The following PAFAH2 variants were observed in gnomAD, a reference collection of about 807,000 sequenced individuals.
PAFAH2 encodes the protein platelet activating factor acetylhydrolase 2.
PAFAH2 carries 42 observed loss-of-function variants against 49.0 expected under a neutral mutation model. That is an observed-to-expected ratio of 0.86 (90% CI 0.67 to 1.11). The LOEUF (loss-of-function observed/expected upper bound fraction) is 1.11, where lower values mean the gene tolerates loss of function less well. Ranked by LOEUF, PAFAH2 falls within the 50% of genes least tolerant of loss-of-function variation. PAFAH2 has a pLI of 0.00. For missense variants in PAFAH2, 503 were observed against 501.8 expected (o/e 1.00, Z -0.02); for synonymous variants, 184 against 181.3 (o/e 1.01, Z -0.12).
chr1:25,996,741 C>A (rs879364753), intron 1 of PAFAH2, among the ~76,000 whole-genome samples: 14 of 152,130 alleles, frequency 9.2e-5, no homozygotes, highest in Admixed American at 1.3e-4. Flanking sequence ...CCATAGGAGG[C>A]AACTATAATT....
intron 6 of PAFAH2, 49 bp downstream of exon 6, chr1:25,983,897 G>C (rs186353206): frequency 1.3e-6 from 2 of 1,596,898 alleles, no homozygotes; most frequent in East Asian, 4.5e-5. Context: ...AATATAGTAG[G>C]GAGAGAACAG....
rs541231691 is a variant in PAFAH2, at chr1:25,989,539, C to A, written c.153G>T (p.Leu51=). ...QKAEETMEQP[L]WIPRYEYCTG... Reference sequence around the variant, plus strand: ...TGCAGTACTCATAGCGGGGAATCCACAGGGGCTGCTCCATGGTCTCCTCTG... The same window carrying A: ...TGCAGTACTCATAGCGGGGAATCCAAAGGGGCTGCTCCATGGTCTCCTCTG... The change falls in exon 3 of 11, where the codon CTG becomes CTT. Residue 51 remains leucine (L), a synonymous_variant. Transcript: ENST00000374282. 6.2e-7 allele frequency: 1 copy of A among 1,612,888 alleles called. No homozygotes were observed. The highest frequency in any genetic ancestry group is 1.3e-5 in the African/African-American group (1 of 75,038).
At chr1:25,984,217 G>C in intron 5 of PAFAH2, 130 bp from the exon 6 acceptor site, 1 of 1,063,954 alleles carries the variant, frequency 9.4e-7, no homozygotes, top group South Asian at 1.4e-5. Flanking sequence ...GAGATCTGGG[G>C]CATGCATAGG....
At chr1:25,996,852 G>A (rs765421723) in intron 1 of PAFAH2, among the ~76,000 whole-genome samples, 5 of 152,210 alleles carry the variant, frequency 3.3e-5, no homozygotes, top group Non-Finnish European at 7.3e-5. Flanking sequence ...CTTATAAAAT[G>A]TTAGGAACTA....
intron 10 of PAFAH2, among the ~76,000 whole-genome samples, chr1:25,966,851 G>A (rs778174134): frequency 5.9e-5 from 9 of 151,986 alleles, no homozygotes; most frequent in Non-Finnish European, 1.2e-4. Context: ...CTAACATGGC[G>A]AAACTCCATC....
intron 6 of PAFAH2, among the ~76,000 whole-genome samples, chr1:25,983,031 A>G (rs1418802582): frequency 1.3e-5 from 2 of 152,162 alleles, no homozygotes; most frequent in Non-Finnish European, 1.5e-5. Context: ...CTGAGGGAGC[A>G]ACTCAAACAC....
chr1:25,988,334 G>A lies in PAFAH2; in HGVS notation c.245-7C>T. The A allele has an allele frequency of 6.2e-7, 1 of 1,606,282 alleles. No homozygotes were observed. The highest frequency in any genetic ancestry group is 8.5e-7 in the Non-Finnish European group (1 of 1,174,136). Reference sequence around the variant, plus strand: ...ACAGGCAGGCGACAAGATCCTAGCAGAGACATGGGCTATAGAATATCTGGC... The same window carrying A: ...ACAGGCAGGCGACAAGATCCTAGCAAAGACATGGGCTATAGAATATCTGGC... On this transcript the variant is annotated splice_polypyrimidine_tract_variant and splice_region_variant and intron_variant, in intron 3 of 10. Coordinates refer to ENST00000374282, the MANE Select transcript of PAFAH2 (RefSeq NM_000437.4).
rs894877553 is a variant in PAFAH2 at position 25,961,275 on chromosome 1, C to T, written c.*714G>A. The stretch of plus-strand genomic sequence containing the variant: ...GCTTTTGTTGTTTCCTATCAAGATA[C>T]ACTTAGCAAAACCCCCAAAGACATC... On this transcript the variant is annotated 3_prime_UTR_variant, in exon 11 of 11. Transcript: ENST00000374282. The T allele has an allele frequency of 2.0e-5, 3 of 152,180 alleles. No individual in the cohort carries two copies. Among genetic ancestry groups the T allele is most frequent in the Non-Finnish European group, 4.4e-5 (3 of 68,044 alleles). The allele number at this position is 152,180 out of a possible 1,614,324, so 9.4% of individuals were successfully genotyped here. A position where few individuals can be genotyped will look rare whatever the true frequency, so the allele number is the denominator to read the frequency against.
chr1:25,986,675 A>C (rs1427311620), intron 4 of PAFAH2, among the ~76,000 whole-genome samples: 1 of 151,954 alleles, frequency 6.6e-6, no homozygotes, highest in African/African-American at 2.4e-5. Context: ...GATTACAGGC[A>C]TGCACCACCA....
rs202097681 is a variant in PAFAH2, at chr1:25,974,623, C to T, written c.786G>A (p.Met262Ile). Residue 262 changes from methionine to isoleucine, a missense_variant, in exon 9 of 11, where the codon ATG becomes ATA. Transcript: ENST00000374282. ...GGTAAAAGTCACGTTCCAGAGGAAA[C>T]ATCCAAGCATCCAGAGCCACCGCAC... is the stretch of plus-strand genomic sequence containing the variant. ...FRCAVALDAW[M>I]FPLERDFYPK... 1.1e-4 allele frequency: 185 copies of T among 1,613,812 alleles called. No homozygotes were observed. The highest frequency in any genetic ancestry group is 1.4e-4 in the Non-Finnish European group (164 of 1,179,908).
rs778980362 is a variant in PAFAH2, at chr1:25,989,535, T to A, written c.157A>T (p.Ile53Phe). ...AEETMEQPLWIPRYEYCTGLA... is the reference protein window; with the variant it reads ...AEETMEQPLWFPRYEYCTGLA... ...CCAGTGCAGTACTCATAGCGGGGAA[T>A]CCACAGGGGCTGCTCCATGGTCTCC... Residue 53 changes from isoleucine to phenylalanine, a missense_variant, in exon 3 of 11, where the codon ATT becomes TTT. Ile to Phe is a conservative substitution (Grantham distance 21, BLOSUM62 0). Transcript: ENST00000374282. 1.2e-6 allele frequency: 2 copies of A among 1,613,096 alleles called. No individual in the cohort carries two copies. The highest frequency in any genetic ancestry group is 3.3e-5 in the Admixed American group (2 of 59,888).
chr1:25,982,544 G>A (rs1253280905), intron 6 of PAFAH2, 67 bp from the exon 7 acceptor site: 5 of 1,224,222 alleles, frequency 4.1e-6, no homozygotes, highest in African/African-American at 1.5e-5. Flanking sequence ...TCTCCCTCAC[G>A]TACAGAGCCA....
At chr1:25,994,668 C>G (rs2049915764) in intron 1 of PAFAH2, among the ~76,000 whole-genome samples, 1 of 152,064 alleles carries the variant, frequency 6.6e-6, no homozygotes. Context: ...AGTCAAGAGC[C>G]AATAAGTCAG....
intron 3 of PAFAH2, among the ~76,000 whole-genome samples, chr1:25,988,648 C>T (rs184774264): frequency 5.3e-5 from 8 of 151,538 alleles, no homozygotes; most frequent in Admixed American, 5.3e-4. Flanking sequence ...ACTAAAAATA[C>T]AAAAATTAGC....
intron 8 of PAFAH2, among the ~76,000 whole-genome samples, chr1:25,974,918 G>A (rs2049566819): frequency 6.6e-6 from 1 of 151,650 alleles, no homozygotes; most frequent in South Asian, 2.1e-4. Context: ...TGACTGACCT[G>A]AGTTCCACAG....
intron 10 of PAFAH2, among the ~76,000 whole-genome samples, chr1:25,966,720 C>T (rs369611467): frequency 3.3e-5 from 5 of 151,996 alleles, no homozygotes; most frequent in African/African-American, 9.7e-5. Context: ...GACTTTACCA[C>T]GTGCAATATA....
At chr1:25,967,599 T>C (rs2049446326) in intron 10 of PAFAH2, among the ~76,000 whole-genome samples, 2 of 152,146 alleles carry the variant, frequency 1.3e-5, no homozygotes, top group South Asian at 4.1e-4. Flanking sequence ...GAATGAGAAC[T>C]ACTGGAGCTA....
chr1:25,963,527 A>G (rs2049372806), intron 10 of PAFAH2, among the ~76,000 whole-genome samples: 1 of 152,100 alleles, frequency 6.6e-6, no homozygotes, highest in Admixed American at 6.5e-5. Flanking sequence ...TTTCTTTGAG[A>G]TGGAGTCTTG....
chr1:25,959,815 G>C lies in PAFAH2; in HGVS notation c.*2174C>G, dbSNP rs988251242. 6.6e-5 allele frequency: 10 copies of C among 152,100 alleles called. No homozygotes were observed. The highest frequency in any genetic ancestry group is 2.4e-4 in the African/African-American group (10 of 41,406). The allele number at this position is 152,100 out of a possible 1,614,324, so 9.4% of individuals were successfully genotyped here. ...ACATACATGGCACATTTACAACATT[G>C]ATCTCATACTAGGCCAACAACCAAG... On this transcript the variant is annotated 3_prime_UTR_variant, in exon 11 of 11. Coordinates refer to ENST00000374282, the MANE Select transcript of PAFAH2 (RefSeq NM_000437.4).
Sources: allele counts gnomAD v4.1 joint callset (sites outside exome capture counted in the v4.1 genomes callset), GRCh38; gene constraint gnomAD v4.1.1; transcripts MANE v1.5; gene names NCBI Gene and HGNC (gene_info 2026-07-23, HGNC 2026-07-21).